RASAL2: variants seen among roughly 807,000 people sequenced by gnomAD.
RASAL2 encodes the protein RAS protein activator like 2.
Under a neutral mutation model 128.9 loss-of-function variants are expected in RASAL2, and 58 were observed. The ratio of observed to expected loss-of-function variants is 0.45; its 90% CI spans 0.36 to 0.56. RASAL2 has a LOEUF of 0.56. RASAL2 is among the 20% of genes least tolerant of loss of function. RASAL2 has a pLI of 0.00. For missense variants in RASAL2, 1,360 were observed against 1,601.6 expected (o/e 0.85, Z 2.57); for synonymous variants, 561 against 580.8 (o/e 0.97, Z 0.49).
intron 1 of RASAL2, among the ~76,000 whole-genome samples, chr1:178,104,489 A>T (rs1309944725): frequency 6.6e-6 from 1 of 152,170 alleles, no homozygotes; most frequent in Non-Finnish European, 1.5e-5. Flanking sequence ...CTTTGTGCAC[A>T]AATCTTTGAT....
At chr1:178,222,885 G>T (rs1296105825) in intron 1 of RASAL2, among the ~76,000 whole-genome samples, 2 of 151,922 alleles carry the variant, frequency 1.3e-5, no homozygotes, top group East Asian at 1.9e-4. Context: ...TTATCCTCCT[G>T]TTTCACATTA....
In RASAL2 at chr1:178,226,864, C is replaced by T. The variant is rs138768721; in HGVS notation, c.203-56700C>T. The stretch of plus-strand genomic sequence containing the variant: ...TTGAGGCAGGAGAATCACTTGAACC[C>T]GGGAGGTGGAGGTTGCAGTGAGCCA... On this transcript the variant is annotated intron_variant, in intron 1 of 17. Coordinates refer to ENST00000367649, the MANE Select transcript of RASAL2 (RefSeq NM_170692.4). 4.3e-4 allele frequency among the ~76,000 whole-genome samples: 66 copies of T among 152,162 alleles called. 1 individual carries two copies. The East Asian group carries it at 0.011, about 25-fold the overall frequency.
chr1:178,274,954 T>C (rs1354123325), intron 1 of RASAL2, among the ~76,000 whole-genome samples: 2 of 152,218 alleles, frequency 1.3e-5, no homozygotes, highest in South Asian at 2.1e-4. Flanking sequence ...TTTTATTTCC[T>C]TCAAAGGATT....
At chr1:178,255,454 G>T (rs1009087568) in intron 1 of RASAL2, among the ~76,000 whole-genome samples, 2 of 152,002 alleles carry the variant, frequency 1.3e-5, no homozygotes, top group African/African-American at 4.8e-5. Flanking sequence ...ACATGGGTGG[G>T]AATAAAGCTG....
At chr1:178,407,986 G>C (rs959630109) in intron 4 of RASAL2, among the ~76,000 whole-genome samples, 3 of 152,168 alleles carry the variant, frequency 2.0e-5, no homozygotes, top group African/African-American at 2.4e-5. Context: ...CATTTACCAA[G>C]CTCCAGAGAA....
At chr1:178,331,914 A>G (rs1455536095) in intron 3 of RASAL2, among the ~76,000 whole-genome samples, 1 of 152,092 alleles carries the variant, frequency 6.6e-6, no homozygotes, top group East Asian at 1.9e-4. Context: ...AAGAATTTCA[A>G]TACAAAGAAC....
chr1:178,111,711 T>C (rs990122089), intron 1 of RASAL2, among the ~76,000 whole-genome samples: 7 of 152,144 alleles, frequency 4.6e-5, no homozygotes, highest in Non-Finnish European at 8.8e-5. Context: ...TTTAGTAAAA[T>C]GTTCAATCTT....
At chr1:178,389,379 T>TG in intron 3 of RASAL2, 1 of 573,492 alleles carries the variant, frequency 1.7e-6, no homozygotes, top group Non-Finnish European at 2.2e-6. Flanking sequence ...TATATATATA[T>TG]CACTCTATGA....
intron 1 of RASAL2, among the ~76,000 whole-genome samples, chr1:178,220,340 C>T (rs1426274167): frequency 1.3e-5 from 2 of 152,056 alleles, no homozygotes; most frequent in Non-Finnish European, 2.9e-5. Context: ...CAAGGAATGG[C>T]CAGTTGATGG....
intron 1 of RASAL2, chr1:178,194,811 ACT>A (rs1172540629): frequency 5.3e-5 from 8 of 152,292 alleles, no homozygotes; most frequent in African/African-American, 1.7e-4. Context: ...ATGACCAAAC[ACT>A]CTGCACCTGA....
chr1:178,239,975 A>T (rs1389808867), intron 1 of RASAL2, among the ~76,000 whole-genome samples: 1 of 152,016 alleles, frequency 6.6e-6, no homozygotes, highest in African/African-American at 2.4e-5. Flanking sequence ...ATTTTTTAAC[A>T]TTGTGGTGCC....
intron 12 of RASAL2, 151 bp from the exon 13 acceptor site, chr1:178,456,570 T>C (rs1164127502): frequency 5.1e-6 from 4 of 786,282 alleles, no homozygotes; most frequent in Non-Finnish European, 8.8e-6. Flanking sequence ...TCCATAACAA[T>C]GCATTATGAA....
At chr1:178,341,690 C>A in intron 3 of RASAL2, 2 of 1,580,444 alleles carry the variant, frequency 1.3e-6, no homozygotes, top group Non-Finnish European at 1.7e-6. Context: ...TACACAAATG[C>A]AGTGACTATT....
chr1:178,434,801 A>C (rs1267130059), intron 5 of RASAL2, among the ~76,000 whole-genome samples: 3 of 151,982 alleles, frequency 2.0e-5, no homozygotes, highest in African/African-American at 7.2e-5. Flanking sequence ...TAATACAAGA[A>C]AGGATGTGCA....
At chr1:178,161,269 C>G (rs1390480150) in intron 1 of RASAL2, among the ~76,000 whole-genome samples, 1 of 152,130 alleles carries the variant, frequency 6.6e-6, no homozygotes, top group Non-Finnish European at 1.5e-5. Context: ...TATGCATTGT[C>G]ATTGTTCATT....
intron 1 of RASAL2, among the ~76,000 whole-genome samples, chr1:178,145,188 T>C (rs1660681446): frequency 2.0e-5 from 3 of 152,096 alleles, no homozygotes; most frequent in Admixed American, 2.0e-4. Context: ...TAGAAACATA[T>C]ATCACATGAC....
At chr1:178,261,474 G>A (rs1363572733) in intron 1 of RASAL2, among the ~76,000 whole-genome samples, 1 of 152,062 alleles carries the variant, frequency 6.6e-6, no homozygotes, top group African/African-American at 2.4e-5. Flanking sequence ...AGTTACTCCA[G>A]CTAACACAAA....
intron 1 of RASAL2, among the ~76,000 whole-genome samples, chr1:178,133,802 CT>C (rs1327383801): frequency 6.6e-6 from 1 of 152,126 alleles, no homozygotes; most frequent in African/African-American, 2.4e-5. Flanking sequence ...TCTTACTGTA[CT>C]TAACATCTAA....
chr1:178,341,414 G>C (rs779194136), intron 3 of RASAL2: 1 of 1,419,878 alleles, frequency 7.0e-7, no homozygotes, highest in Non-Finnish European at 9.2e-7. Flanking sequence ...TTGGGGCGAG[G>C]ATTGAGTTTA....
Sources: allele counts gnomAD v4.1 joint callset (sites outside exome capture counted in the v4.1 genomes callset), GRCh38; gene constraint gnomAD v4.1.1; transcripts MANE v1.5; gene names NCBI Gene and HGNC (gene_info 2026-07-23, HGNC 2026-07-21).